The following EPC2 variants were observed in gnomAD, a reference collection of about 807,000 sequenced individuals.
EPC2 encodes enhancer of polycomb homolog 2.
EPC2 carries 14 observed loss-of-function variants against 92.1 expected under a neutral mutation model. The observed-to-expected ratio is 0.15, with a 90% CI of 0.10 to 0.24. The LOEUF (loss-of-function observed/expected upper bound fraction) is 0.24, where lower values mean the gene tolerates loss of function less well. Ranked by LOEUF, EPC2 falls within the 10% of genes least tolerant of loss-of-function variation. EPC2 has a pLI of 1.00. For missense variants in EPC2, 755 were observed against 971.5 expected (o/e 0.78, Z 2.96); for synonymous variants, 340 against 334.7 (o/e 1.02, Z -0.17).
intron 2 of EPC2, among the ~76,000 whole-genome samples, chr2:148,736,181 C>T (rs1005036966): frequency 5.9e-5 from 9 of 152,076 alleles, no homozygotes; most frequent in African/African-American, 2.2e-4. Flanking sequence ...CTGATGGAGA[C>T]TGATTTTTTA....
intron 2 of EPC2, among the ~76,000 whole-genome samples, chr2:148,698,494 G>T (rs1195649783): frequency 6.6e-6 from 1 of 151,746 alleles, no homozygotes; most frequent in South Asian, 2.1e-4. Flanking sequence ...AAATTAGCCC[G>T]GTGTGGTGGT....
chr2:148,715,310 G>T (rs1682236084), intron 2 of EPC2, among the ~76,000 whole-genome samples: 3 of 152,158 alleles, frequency 2.0e-5, no homozygotes, highest in African/African-American at 7.2e-5. Flanking sequence ...TGGGATTACA[G>T]GCGAGAGCCA....
At chr2:148,723,204 T>G (rs893008397) in intron 2 of EPC2, among the ~76,000 whole-genome samples, 1 of 152,364 alleles carries the variant, frequency 6.6e-6, no homozygotes, top group African/African-American at 2.4e-5. Context: ...GGTTATACTC[T>G]GATAAAATTG....
chr2:148,652,628 C>CT, intron 1 of EPC2, among the ~76,000 whole-genome samples: 2 of 152,278 alleles, frequency 1.3e-5, no homozygotes, highest in South Asian at 4.1e-4. Flanking sequence ...AACCGCATGT[C>CT]TATCTACTGG....
At chr2:148,698,633 C>CAAAAAA (rs36045036) in intron 2 of EPC2, among the ~76,000 whole-genome samples, 2 of 57,014 alleles carry the variant, frequency 3.5e-5, no homozygotes, top group Non-Finnish European at 5.6e-5. Flanking sequence ...GACTCCATCT[C>CAAAAAA]AAAAAAAAAA....
At chr2:148,694,225 G>A (rs966459989) in intron 2 of EPC2, among the ~76,000 whole-genome samples, 2 of 152,172 alleles carry the variant, frequency 1.3e-5, no homozygotes, top group African/African-American at 4.8e-5. Context: ...AAATTAAAAG[G>A]TGAGTTCTGT....
chr2:148,648,006 CT>C (rs2105347996), intron 1 of EPC2, among the ~76,000 whole-genome samples: 1 of 152,324 alleles, frequency 6.6e-6, no homozygotes, highest in Non-Finnish European at 1.5e-5. Flanking sequence ...AACTTGGATA[CT>C]TTTCAGTAGC....
At chr2:148,651,970 C>T (rs756160960) in intron 1 of EPC2, among the ~76,000 whole-genome samples, 7 of 152,148 alleles carry the variant, frequency 4.6e-5, no homozygotes, top group Non-Finnish European at 7.3e-5. Context: ...CTTGCTTCAC[C>T]GTTGTACTGC....
At chr2:148,691,821 A>G (rs770168149) in intron 2 of EPC2, 9 of 675,166 alleles carry the variant, frequency 1.3e-5, no homozygotes, top group South Asian at 4.5e-5. Context: ...CCCTTTCTGC[A>G]TGGCTAATTT....
At chr2:148,754,312 G>T (rs1683140088) in intron 4 of EPC2, among the ~76,000 whole-genome samples, 179 bp downstream of exon 4, 1 of 151,958 alleles carries the variant, frequency 6.6e-6, no homozygotes, top group South Asian at 2.1e-4. Context: ...TGCGCCACTG[G>T]CCCACCACAA....
chr2:148,644,963 C>T lies in EPC2; in HGVS notation c.-55C>T, dbSNP rs567094709. The T allele has an allele frequency of 3.7e-5, 55 of 1,483,248 alleles. No individual in the cohort carries two copies. The highest frequency in any genetic ancestry group is 2.2e-4 in the Admixed American group (11 of 50,438). The allele number at this position is 1,483,248 out of a possible 1,614,324, so 91.9% of individuals were successfully genotyped here. ...AGGAGGCGGCGGGAGTCCTCCCCCC[C>T]TCCCCGCCCGCCCCGCCGCCGCCGC... On this transcript the variant is annotated 5_prime_UTR_variant, in exon 1 of 14. Transcript: ENST00000258484.
chr2:148,731,794 G>C (rs1365929358), intron 2 of EPC2, among the ~76,000 whole-genome samples: 2 of 152,212 alleles, frequency 1.3e-5, no homozygotes, highest in East Asian at 3.8e-4. Flanking sequence ...ATAATTCATA[G>C]ATAAATGTTG....
chr2:148,691,211 A>G (rs1220884967), intron 2 of EPC2, among the ~76,000 whole-genome samples: 3 of 152,156 alleles, frequency 2.0e-5, no homozygotes, highest in Non-Finnish European at 4.4e-5. Context: ...ATACTCTTCT[A>G]ATCTAGCTTC....
At chr2:148,646,658 T>G (rs1683808183) in intron 1 of EPC2, among the ~76,000 whole-genome samples, 1 of 151,758 alleles carries the variant, frequency 6.6e-6, no homozygotes, top group South Asian at 2.1e-4. Context: ...AAAATTAAAA[T>G]AAAATCATAT....
At chr2:148,768,218 T>A (rs1001595114) in intron 7 of EPC2, among the ~76,000 whole-genome samples, 15 of 152,196 alleles carry the variant, frequency 9.9e-5, no homozygotes, top group African/African-American at 3.6e-4. Flanking sequence ...AAAGAGATGT[T>A]CTACAAAGTG....
rs202002900 is a variant in EPC2 at position 148,660,881 on chromosome 2, A to AT, written c.153+15719dup. ...TGTTCCCTTTAAATTTTCCTTCAGA[A>AT]TTTTTTTTGTGTGCAAGAAACTGTT... On this transcript the variant is annotated intron_variant, in intron 1 of 13. Coordinates refer to ENST00000258484, the MANE Select transcript of EPC2 (RefSeq NM_015630.4). 4.1e-3 allele frequency among the ~76,000 whole-genome samples: 618 copies of AT among 151,158 alleles called. 4 individuals are homozygous for AT. The highest frequency in any genetic ancestry group is 0.014 in the African/African-American group (585 of 41,240).
chr2:148,649,394 G>A lies in EPC2; in HGVS notation c.153+4224G>A, dbSNP rs76253497. On this transcript the variant is annotated intron_variant, in intron 1 of 13. Transcript: ENST00000258484. Reference sequence around the variant, plus strand: ...AATTGTTGATTTGTTTTGTTTTACTGTAGATTAGGTTGCCTTTTCTACAAT... The same window carrying A: ...AATTGTTGATTTGTTTTGTTTTACTATAGATTAGGTTGCCTTTTCTACAAT... 1.2e-3 allele frequency among the ~76,000 whole-genome samples: 178 copies of A among 152,258 alleles called. 3 individuals carry two copies. The East Asian group carries it at 0.029, about 25-fold the overall frequency.
intron 4 of EPC2, among the ~76,000 whole-genome samples, chr2:148,761,572 A>T (rs1335145193): frequency 6.6e-6 from 1 of 151,748 alleles, no homozygotes; most frequent in East Asian, 1.9e-4. Flanking sequence ...AGCTGGCAAC[A>T]TTTTTTTTCT....
intron 2 of EPC2, among the ~76,000 whole-genome samples, chr2:148,710,654 A>G (rs944504300): frequency 6.6e-6 from 1 of 151,528 alleles, no homozygotes; most frequent in African/African-American, 2.4e-5. Flanking sequence ...ACACCATGGA[A>G]TACTATGCAG....
Sources: allele counts gnomAD v4.1 joint callset (sites outside exome capture counted in the v4.1 genomes callset), GRCh38; gene constraint gnomAD v4.1.1; transcripts MANE v1.5; gene names NCBI Gene and HGNC (gene_info 2026-07-23, HGNC 2026-07-21).